PDE10A: variants seen among roughly 807,000 people sequenced by gnomAD.
The protein encoded by PDE10A is phosphodiesterase 10A.
A neutral mutation model predicts 97.7 loss-of-function variants in PDE10A; 39 were observed. The observed-to-expected ratio is 0.40, with a 90% CI of 0.31 to 0.52. The LOEUF (loss-of-function observed/expected upper bound fraction) is 0.52. Ranked by LOEUF, PDE10A falls within the 20% of genes least tolerant of loss-of-function variation. The pLI, the probability that PDE10A is intolerant of heterozygous loss-of-function variation, is 0.56. For synonymous variants in PDE10A, 371 were observed against 376.8 expected (o/e 0.98, Z 0.18); for missense variants, 731 against 1,047.8 (o/e 0.70, Z 4.17).
chr6:165,383,783 C>G (rs988533067), intron 17 of PDE10A, among the ~76,000 whole-genome samples: 1 of 152,150 alleles, frequency 6.6e-6, no homozygotes, highest in Non-Finnish European at 1.5e-5. Flanking sequence ...ACAAACAAAA[C>G]ACTAAGATGT....
chr6:165,479,721 C>T (rs964989759), intron 3 of PDE10A, among the ~76,000 whole-genome samples: 1 of 152,126 alleles, frequency 6.6e-6, no homozygotes, highest in Non-Finnish European at 1.5e-5. Flanking sequence ...TTTTGCTCAC[C>T]ATTGTATCCA....
intron 1 of PDE10A, among the ~76,000 whole-genome samples, chr6:165,823,512 A>AT (rs1244371160): frequency 3.2e-5 from 4 of 126,560 alleles, no homozygotes; most frequent in Non-Finnish European, 5.2e-5. Context: ...ATATATATAT[A>AT]TATATATATA....
chr6:165,680,203 A>G (rs1475131067), intron 1 of PDE10A, among the ~76,000 whole-genome samples: 1 of 152,210 alleles, frequency 6.6e-6, no homozygotes, highest in Non-Finnish European at 1.5e-5. Flanking sequence ...TGAAAAAAAA[A>G]TCACCATGAA....
In PDE10A at chr6:165,465,499, T is replaced by TA. The variant is rs559084118; in HGVS notation, c.1024-15138dup. On this transcript the variant is annotated intron_variant, in intron 3 of 21. Transcript: ENST00000539869. ...GCTGTTTCAAAGGATTACAAGAGAGTAAACAAGGCACTGTATTAGTTCCTT... is the reference window on the plus strand; with the variant it reads ...GCTGTTTCAAAGGATTACAAGAGAGTAAAACAAGGCACTGTATTAGTTCCTT... 1.9e-3 allele frequency among the ~76,000 whole-genome samples: 292 copies of TA among 152,070 alleles called. 2 individuals are homozygous for TA. Among genetic ancestry groups the TA allele is most frequent in the Admixed American group, 0.017 (253 of 15,284 alleles).
At chr6:165,441,776 T>C (rs1752946440) in intron 5 of PDE10A, among the ~76,000 whole-genome samples, 1 of 152,186 alleles carries the variant, frequency 6.6e-6, no homozygotes, top group Non-Finnish European at 1.5e-5. Flanking sequence ...TGCCTGGTGA[T>C]GACTGGGGCT....
intron 1 of PDE10A, among the ~76,000 whole-genome samples, chr6:165,673,676 C>T (rs759350713): frequency 2.0e-5 from 3 of 152,204 alleles, no homozygotes; most frequent in African/African-American, 4.8e-5. Flanking sequence ...AAATTTTTAT[C>T]ATGTGTATTC....
intron 5 of PDE10A, among the ~76,000 whole-genome samples, chr6:165,448,709 AAC>A (rs10645551): frequency 0.16 from 23,804 of 147,014 alleles, 2,278 homozygotes; most frequent in Middle Eastern, 0.3. Context: ...AGCCAAAGGA[AAC>A]ACACACACAC....
chr6:165,669,679 C>T (rs1373698793), intron 1 of PDE10A, among the ~76,000 whole-genome samples: 7 of 152,140 alleles, frequency 4.6e-5, no homozygotes, highest in African/African-American at 1.7e-4. Context: ...TTTTCTCCTC[C>T]CTCCAACACT....
At chr6:165,506,222 T>C (rs528100285) in intron 2 of PDE10A, among the ~76,000 whole-genome samples, 4 of 152,266 alleles carry the variant, frequency 2.6e-5, no homozygotes, top group South Asian at 2.1e-4. Flanking sequence ...TTCTAGACCA[T>C]AGAGTTCCAA....
intron 1 of PDE10A, among the ~76,000 whole-genome samples, chr6:165,649,080 G>C (rs991333294): frequency 6.6e-6 from 1 of 152,174 alleles, no homozygotes; most frequent in Non-Finnish European, 1.5e-5. Context: ...TGACAGGCCC[G>C]TACCTTTCAG....
chr6:165,391,518 T>C (rs1240503827), intron 16 of PDE10A, among the ~76,000 whole-genome samples: 1 of 152,186 alleles, frequency 6.6e-6, no homozygotes, highest in Non-Finnish European at 1.5e-5. Flanking sequence ...GAGAAAATGC[T>C]GAAAGTCTCA....
At chr6:165,426,587 A>G (rs1455264577) in intron 10 of PDE10A, among the ~76,000 whole-genome samples, 1 of 152,208 alleles carries the variant, frequency 6.6e-6, no homozygotes, top group African/African-American at 2.4e-5. Context: ...TAAAACCAAA[A>G]GCATAAACAG....
chr6:165,538,107 A>C (rs1783204046), intron 2 of PDE10A, among the ~76,000 whole-genome samples: 1 of 152,100 alleles, frequency 6.6e-6, no homozygotes, highest in African/African-American at 2.4e-5. Context: ...TTAGGTTATC[A>C]AATAGTAGGT....
At chr6:165,793,368 GA>G (rs942077047) in intron 1 of PDE10A, among the ~76,000 whole-genome samples, 14 of 150,868 alleles carry the variant, frequency 9.3e-5, no homozygotes, top group African/African-American at 2.7e-4. Context: ...CCTGTCATCA[GA>G]AAAAAAAATA....
chr6:165,714,687 C>T (rs1469170890), intron 1 of PDE10A, among the ~76,000 whole-genome samples: 4 of 152,108 alleles, frequency 2.6e-5, no homozygotes, highest in African/African-American at 9.7e-5. Flanking sequence ...GAAACAGGAA[C>T]CAAATTGCAA....
chr6:165,465,229 T>A (rs1009379871), intron 3 of PDE10A, among the ~76,000 whole-genome samples: 2 of 152,198 alleles, frequency 1.3e-5, no homozygotes, highest in Non-Finnish European at 2.9e-5. Flanking sequence ...TGAGCAACTA[T>A]AATGACCCAT....
chr6:165,672,652 T>C (rs1213355311), intron 1 of PDE10A, among the ~76,000 whole-genome samples: 1 of 152,200 alleles, frequency 6.6e-6, no homozygotes, highest in African/African-American at 2.4e-5. Flanking sequence ...ACCCCTTTGC[T>C]TGGCTCTCAC....
intron 1 of PDE10A, among the ~76,000 whole-genome samples, chr6:165,905,576 A>T (rs145267627): frequency 2.2e-4 from 33 of 152,286 alleles, no homozygotes; most frequent in Non-Finnish European, 3.8e-4. Context: ...TTAAAAATAC[A>T]TATGTTTATA....
intron 1 of PDE10A, among the ~76,000 whole-genome samples, chr6:165,750,577 G>A (rs1281888339): frequency 1.3e-5 from 2 of 152,180 alleles, no homozygotes; most frequent in South Asian, 2.1e-4. Context: ...CAATCGCCTC[G>A]TGAGTTCCAC....
Sources: gnomAD v4.1 joint callset for allele counts (sites outside exome capture counted in the v4.1 genomes callset) on GRCh38, gnomAD v4.1.1 for gene constraint, MANE v1.5 for transcripts, NCBI Gene and HGNC (gene_info 2026-07-23, HGNC 2026-07-21) for gene names.